Variants in RNF130 observed in about 807,000 individuals in gnomAD.
RNF130 encodes ring finger protein 130, also known as E3 ubiquitin-protein ligase RNF130.
A neutral mutation model predicts 44.6 loss-of-function variants in RNF130; 21 were observed. The observed-to-expected ratio is 0.47, with a 90% CI of 0.33 to 0.68. RNF130 has a LOEUF of 0.68. Ranked by LOEUF, RNF130 falls within the 30% of genes least tolerant of loss-of-function variation. The probability of loss-of-function intolerance (pLI) is 0.02; values close to 1 mark genes in which losing one functional copy is unlikely to be tolerated. For synonymous variants in RNF130, 214 were observed against 210.4 expected (o/e 1.02, Z -0.15); for missense variants, 479 against 560.6 (o/e 0.85, Z 1.47).
intron 2 of RNF130, among the ~76,000 whole-genome samples, chr5:180,030,373 A>G (rs1175792464): frequency 6.6e-6 from 1 of 152,154 alleles, no homozygotes; most frequent in Non-Finnish European, 1.5e-5. Context: ...AAACAGCCTT[A>G]ATGAGGTATA....
intron 2 of RNF130, among the ~76,000 whole-genome samples, chr5:180,013,763 C>T (rs958646332): frequency 2.6e-5 from 4 of 152,156 alleles, no homozygotes; most frequent in African/African-American, 7.2e-5. Context: ...GTTTTTATAG[C>T]ATAAATTGGT....
intron 2 of RNF130, chr5:180,015,489 TAGG>T (rs1763697452): frequency 4.9e-6 from 1 of 203,338 alleles, no homozygotes; most frequent in African/African-American, 6.9e-5. Context: ...GGGAAAGGAG[TAGG>T]AAAGGAGTAG....
intron 7 of RNF130, among the ~76,000 whole-genome samples, chr5:179,935,908 C>G (rs1055940204): frequency 6.6e-5 from 10 of 152,046 alleles, no homozygotes; most frequent in Admixed American, 2.0e-4. Context: ...TCACTTGTCC[C>G]CTCCCATCTT....
intron 3 of RNF130, among the ~76,000 whole-genome samples, chr5:179,989,405 T>C (rs1213482746): frequency 6.6e-6 from 1 of 152,238 alleles, no homozygotes; most frequent in Admixed American, 6.5e-5. Flanking sequence ...GGCCTAGTAA[T>C]ATTAGCTTTA....
intron 7 of RNF130, among the ~76,000 whole-genome samples, chr5:179,931,899 C>A (rs1761813388): frequency 6.6e-6 from 1 of 152,186 alleles, no homozygotes; most frequent in African/African-American, 2.4e-5. Context: ...AACCTGTGAA[C>A]TTCCCGCCAT....
At chr5:179,970,895 G>A (rs1702739965) in intron 5 of RNF130, among the ~76,000 whole-genome samples, 1 of 152,208 alleles carries the variant, frequency 6.6e-6, no homozygotes, top group Admixed American at 6.5e-5. Flanking sequence ...TCATGGCTAA[G>A]TGAAGAGTTC....
intron 6 of RNF130, among the ~76,000 whole-genome samples, chr5:179,968,015 G>T (rs918873570): frequency 3.0e-4 from 46 of 152,354 alleles, no homozygotes; most frequent in African/African-American, 1.1e-3. Context: ...TAACAAACAG[G>T]CTGGGCGCGG....
chr5:180,016,586 A>T (rs1763740834), intron 2 of RNF130, among the ~76,000 whole-genome samples: 1 of 152,174 alleles, frequency 6.6e-6, no homozygotes. Flanking sequence ...ATCCAGTGAA[A>T]GCCCATCTGT....
intron 1 of RNF130, among the ~76,000 whole-genome samples, chr5:180,067,193 G>C (rs1335943714): frequency 6.6e-6 from 1 of 152,192 alleles, no homozygotes; most frequent in Admixed American, 6.5e-5. Context: ...TCATCTGACA[G>C]GTAGCTAAGC....
chr5:179,946,208 A>AAAGC (rs1171561166), intron 7 of RNF130, among the ~76,000 whole-genome samples: 2 of 152,230 alleles, frequency 1.3e-5, no homozygotes, highest in East Asian at 1.9e-4. Flanking sequence ...CTGGATCTGA[A>AAAGC]AAGCAAGCAA....
intron 5 of RNF130, among the ~76,000 whole-genome samples, chr5:179,972,598 TG>T (rs1157996086): frequency 8.2e-6 from 1 of 122,118 alleles, no homozygotes; most frequent in African/African-American, 3.2e-5. Context: ...CAGATGAGGG[TG>T]GGGGGTGGCT....
At chr5:179,997,221 A>C (rs1046110226) in intron 3 of RNF130, among the ~76,000 whole-genome samples, 23 of 152,178 alleles carry the variant, frequency 1.5e-4, no homozygotes, top group African/African-American at 5.3e-4. Context: ...GGCTCACTGC[A>C]ACCTCTGCCT....
chr5:180,010,770 G>C (rs1763575012), intron 3 of RNF130, among the ~76,000 whole-genome samples: 1 of 152,178 alleles, frequency 6.6e-6, no homozygotes, highest in Admixed American at 6.5e-5. Context: ...GGTTATAAAA[G>C]AGTAGCACAA....
intron 2 of RNF130, among the ~76,000 whole-genome samples, chr5:180,013,587 T>C (rs1338035044): frequency 6.6e-6 from 1 of 152,120 alleles, no homozygotes; most frequent in Non-Finnish European, 1.5e-5. Flanking sequence ...ACTACATTTT[T>C]AAAAAAAGAT....
At chr5:180,047,283 ATTTC>A (rs1434843913) in intron 1 of RNF130, among the ~76,000 whole-genome samples, 3 of 152,098 alleles carry the variant, frequency 2.0e-5, no homozygotes, top group African/African-American at 7.2e-5. Context: ...TCTGTTATCA[ATTTC>A]TTAATTTTAT....
rs549047401 is a variant in RNF130, at chr5:179,925,046, T to C, written c.1151-4620A>G. Among the ~76,000 whole-genome samples, 3 of 152,226 alleles carry C rather than the reference T, an allele frequency of 2.0e-5. No individual in the cohort carries two copies. In the East Asian group the frequency reaches 5.8e-4, roughly 29 times the overall value. On this transcript the variant is annotated intron_variant, in intron 7 of 7. Coordinates refer to the RNF130 transcript ENST00000522208. ...AAGCTATCTGCCATATTGTGAAAAGTGTATTTGGTTTTTATCCGGGCTTCC... is the reference window on the plus strand; with the variant it reads ...AAGCTATCTGCCATATTGTGAAAAGCGTATTTGGTTTTTATCCGGGCTTCC...
chr5:180,035,239 G>A (rs748025693), intron 2 of RNF130, among the ~76,000 whole-genome samples: 3 of 152,074 alleles, frequency 2.0e-5, no homozygotes, highest in Non-Finnish European at 4.4e-5. Flanking sequence ...TTTTCGTTTG[G>A]TTCCAAATGT....
chr5:180,019,395 A>G (rs1403048987), intron 2 of RNF130, among the ~76,000 whole-genome samples: 2 of 152,054 alleles, frequency 1.3e-5, no homozygotes. Flanking sequence ...AAAAAAAAAA[A>G]AAAAATCACT....
At chr5:179,916,088 G>A (rs1272857249) in exon 8 of RNF130, 1 of 152,162 alleles carries the variant, frequency 6.6e-6, no homozygotes, top group Non-Finnish European at 1.5e-5. Context: ...TTTATGAGCA[G>A]CAACCACTTG....
Sources: gnomAD v4.1 joint callset for allele counts (sites outside exome capture counted in the v4.1 genomes callset) on GRCh38, gnomAD v4.1.1 for gene constraint, MANE v1.5 for transcripts, NCBI Gene and HGNC (gene_info 2026-07-23, HGNC 2026-07-21) for gene names.